The following OSBPL2 variants were observed in gnomAD, a reference collection of about 807,000 sequenced individuals.
OSBPL2 encodes oxysterol-binding protein-related protein 2.
In OSBPL2, 18 loss-of-function variants were observed where a neutral mutation model predicts 58.4. The ratio of observed to expected loss-of-function variants is 0.31; its 90% CI spans 0.21 to 0.46. The LOEUF is 0.46. Among genes scored for constraint, OSBPL2 ranks in the 20% least tolerant of loss-of-function variants. The probability of loss-of-function intolerance (pLI) is 1.00; values close to 1 mark genes in which losing one functional copy is unlikely to be tolerated. For synonymous variants in OSBPL2, 221 were observed against 234.1 expected (o/e 0.94, Z 0.51); for missense variants, 461 against 616.5 (o/e 0.75, Z 2.67).
chr20:62,279,390 G>A (rs1470891968), intron 7 of OSBPL2, 51 bp downstream of exon 7: 1 of 1,566,520 alleles, frequency 6.4e-7, no homozygotes, highest in South Asian at 1.1e-5. Context: ...AAACTGAAAT[G>A]GGTGCTGGTG....
At chr20:62,289,433 A>G (rs1436107991) in intron 12 of OSBPL2, 103 bp downstream of exon 12, 12 of 1,370,834 alleles carry the variant, frequency 8.8e-6, no homozygotes, top group Non-Finnish European at 9.9e-6. Context: ...TCTCGCCTAC[A>G]AGGGGAGCCC....
At chr20:62,272,504 G>A (rs538390023) in intron 5 of OSBPL2, among the ~76,000 whole-genome samples, 12 of 152,306 alleles carry the variant, frequency 7.9e-5, no homozygotes, top group African/African-American at 1.4e-4. Flanking sequence ...GCCTCCTGCC[G>A]GGAGACTCCG....
chr20:62,289,491 G>A (rs1983352825), intron 12 of OSBPL2, among the ~76,000 whole-genome samples, 161 bp downstream of exon 12: 2 of 152,222 alleles, frequency 1.3e-5, no homozygotes, highest in Non-Finnish European at 2.9e-5. Context: ...TTCTAACTAG[G>A]CTTCTCAGAC....
At chr20:62,243,885 G>T (rs1439901714) in intron 1 of OSBPL2, among the ~76,000 whole-genome samples, 2 of 151,968 alleles carry the variant, frequency 1.3e-5, no homozygotes, top group Admixed American at 1.3e-4. Flanking sequence ...GAGGGTAGGG[G>T]GGTTAGAGAT....
In OSBPL2 at chr20:62,284,166, G is replaced by A. The variant is rs769369203; in HGVS notation, c.993G>A (p.Lys331=). The part of the protein sequence containing the change: ...ERRGDHLRKA[K]LDEDSGKADS... ...GAGGTGACCACCTGAGAAAGGCCAA[G>A]CTGGTAAGGGCTGGGGCGTCCCCGG... Residue 331 remains lysine, a synonymous_variant, in exon 10 of 14, where the codon AAG becomes AAA. Transcript: ENST00000313733. The A allele has an allele frequency of 5.6e-6, 9 of 1,614,044 alleles. No homozygotes were observed. The highest frequency in any genetic ancestry group is 6.8e-6 in the Non-Finnish European group (8 of 1,180,028).
chr20:62,241,841 G>C (rs760024300), intron 1 of OSBPL2, among the ~76,000 whole-genome samples: 7 of 152,298 alleles, frequency 4.6e-5, no homozygotes, highest in Admixed American at 4.6e-4. Context: ...TTTGGGTGTG[G>C]GCTGATTTTC....
At chr20:62,259,839 A>G (rs1981177269) in intron 2 of OSBPL2, 142 bp from the exon 3 acceptor site, 1 of 758,296 alleles carries the variant, frequency 1.3e-6, no homozygotes, top group Non-Finnish European at 2.2e-6. Flanking sequence ...CTTCTGGAGA[A>G]CCAGAGTTAA....
chr20:62,243,684 G>A (rs1417643518), intron 1 of OSBPL2, among the ~76,000 whole-genome samples: 1 of 152,124 alleles, frequency 6.6e-6, no homozygotes, highest in African/African-American at 2.4e-5. Context: ...AGGGTCTGGG[G>A]TGGGTCCTCA....
chr20:62,256,610 G>A (rs1210249582), intron 2 of OSBPL2, among the ~76,000 whole-genome samples: 2 of 152,318 alleles, frequency 1.3e-5, no homozygotes, highest in East Asian at 1.9e-4. Context: ...GCTCACAGCC[G>A]CAGAGTGCAG....
intron 3 of OSBPL2, among the ~76,000 whole-genome samples, 189 bp downstream of exon 3, chr20:62,260,314 G>T (rs917371057): frequency 6.6e-6 from 1 of 152,176 alleles, no homozygotes; most frequent in Non-Finnish European, 1.5e-5. Context: ...GCCTCTCTTG[G>T]CTCCTGGAAT....
chr20:62,239,301 C>G (rs6089698), intron 1 of OSBPL2, among the ~76,000 whole-genome samples: 2 of 152,246 alleles, frequency 1.3e-5, no homozygotes, highest in East Asian at 3.8e-4. Flanking sequence ...TAAGAGGTTC[C>G]TTCTTTCGCC....
intron 12 of OSBPL2, among the ~76,000 whole-genome samples, chr20:62,289,673 G>T (rs1041373482): frequency 6.6e-6 from 1 of 152,208 alleles, no homozygotes; most frequent in Non-Finnish European, 1.5e-5. Flanking sequence ...GGAGGCTGAG[G>T]CAGGTGGATC....
chr20:62,264,578 T>C (rs1167821777), intron 4 of OSBPL2: 1 of 152,192 alleles, frequency 6.6e-6, no homozygotes, highest in African/African-American at 2.4e-5. Flanking sequence ...CCTTTTTTTT[T>C]CCAGAGGGAA....
chr20:62,253,171 G>T (rs1271072477), intron 1 of OSBPL2, among the ~76,000 whole-genome samples: 1 of 152,270 alleles, frequency 6.6e-6, no homozygotes, highest in East Asian at 1.9e-4. Flanking sequence ...GTCGTCTAAT[G>T]GTGATGGTCA....
intron 1 of OSBPL2, among the ~76,000 whole-genome samples, chr20:62,240,907 C>T (rs889842996): frequency 1.3e-5 from 2 of 152,192 alleles, no homozygotes; most frequent in African/African-American, 4.8e-5. Flanking sequence ...AGAGGGAGGA[C>T]TGAGGGGCAT....
At chr20:62,291,328 G>A (rs560699217) in intron 12 of OSBPL2, 1 of 340,006 alleles carries the variant, frequency 2.9e-6, no homozygotes, top group Non-Finnish European at 5.7e-6. Flanking sequence ...TTGGGAGATG[G>A]GCTCTGAGTT....
chr20:62,281,573 A>G (rs1454662915), intron 8 of OSBPL2: 4 of 541,290 alleles, frequency 7.4e-6, no homozygotes, highest in African/African-American at 3.8e-5. Flanking sequence ...CCCATTCTGA[A>G]TGGACACTTA....
chr20:62,245,768 G>A (rs1045632159), intron 1 of OSBPL2, among the ~76,000 whole-genome samples: 34 of 152,226 alleles, frequency 2.2e-4, no homozygotes, highest in Non-Finnish European at 1.2e-4. Flanking sequence ...ACAGACAGCC[G>A]TGCACATACC....
intron 4 of OSBPL2, among the ~76,000 whole-genome samples, chr20:62,267,318 T>G: frequency 6.6e-6 from 1 of 152,318 alleles, no homozygotes; most frequent in Non-Finnish European, 1.5e-5. Context: ...GTTGGAGCTG[T>G]GCCAACATGA....
Sources: gnomAD v4.1 joint callset for allele counts (sites outside exome capture counted in the v4.1 genomes callset) on GRCh38, gnomAD v4.1.1 for gene constraint, MANE v1.5 for transcripts, NCBI Gene and HGNC (gene_info 2026-07-23, HGNC 2026-07-21) for gene names.